The following ASZ1 variants were observed in gnomAD, a reference collection of about 807,000 sequenced individuals.
ASZ1 encodes ankyrin repeat, SAM and basic leucine zipper domain containing 1.
ASZ1 carries 67 observed loss-of-function variants against 61.8 expected under a neutral mutation model. The observed-to-expected ratio is 1.08, with a 90% confidence interval of 0.89 to 1.33. The LOEUF (loss-of-function observed/expected upper bound fraction) is 1.33. Among genes scored for constraint, ASZ1 ranks in the 40% most tolerant of loss-of-function variants. The probability of loss-of-function intolerance (pLI) is 0.00; values close to 1 mark genes in which losing one functional copy is unlikely to be tolerated. For synonymous variants in ASZ1, 193 were observed against 192.7 expected, an observed-to-expected ratio of 1.00 and a Z score of -0.01; for missense variants, 577 against 554.5, an observed-to-expected ratio of 1.04 and a Z score of -0.41.
chr7:117,379,838 T>C, intron 10 of ASZ1, 100 bp downstream of exon 10: 1 of 695,584 alleles, frequency 1.4e-6, no homozygotes, highest in South Asian at 2.4e-5. Context: ...GGGAAAATGA[T>C]GGTATCAAGT....
rs1272939739 is a variant in ASZ1, at chr7:117,363,395, A to G, written c.*201T>C. The G allele has an allele frequency of 5.3e-6, 2 of 375,568 alleles. No individual in the cohort carries two copies. The highest frequency in any genetic ancestry group is 9.2e-6 in the Non-Finnish European group (2 of 216,724). The allele number at this position is 375,568 out of a possible 1,614,324, so 23.3% of individuals were successfully genotyped here. ...TACTTATACTTTACTACCTAATCACAATTAACATAAACATAACAAATTGTA... is the reference window on the plus strand; with the variant it reads ...TACTTATACTTTACTACCTAATCACGATTAACATAAACATAACAAATTGTA... On this transcript the variant is annotated 3_prime_UTR_variant, in exon 13 of 13. Transcript: ENST00000284629.
chr7:117,368,509 G>GT, intron 11 of ASZ1, 103 bp downstream of exon 11: 3 of 1,488,992 alleles, frequency 2.0e-6, no homozygotes, highest in Non-Finnish European at 2.7e-6. Flanking sequence ...AACAAACGAT[G>GT]TAATTTCAGC....
At chr7:117,380,406 G>C (rs951466541) in intron 9 of ASZ1, among the ~76,000 whole-genome samples, 3 of 151,446 alleles carry the variant, frequency 2.0e-5, no homozygotes, top group Non-Finnish European at 4.4e-5. Flanking sequence ...ATGAGAATTA[G>C]GCCCTATCTT....
At chr7:117,412,640 G>A (rs1161884248) in intron 4 of ASZ1, among the ~76,000 whole-genome samples, 1 of 151,738 alleles carries the variant, frequency 6.6e-6, no homozygotes, top group African/African-American at 2.4e-5. Context: ...AATGTGTTCT[G>A]CCTTATCAAT....
At chr7:117,395,394 G>A (rs1041008285) in intron 4 of ASZ1, among the ~76,000 whole-genome samples, 1 of 152,002 alleles carries the variant, frequency 6.6e-6, no homozygotes, top group African/African-American at 2.4e-5. Context: ...ATTTCATCAA[G>A]TCAAAACAAT....
chr7:117,424,872 T>C (rs1334122370), intron 2 of ASZ1, among the ~76,000 whole-genome samples: 1 of 152,244 alleles, frequency 6.6e-6, no homozygotes, highest in Non-Finnish European at 1.5e-5. Context: ...CTTATAAGAA[T>C]AACAGGTAAT....
intron 12 of ASZ1, among the ~76,000 whole-genome samples, chr7:117,365,213 T>G (rs1032572299): frequency 1.3e-5 from 2 of 152,194 alleles, no homozygotes; most frequent in African/African-American, 4.8e-5. Context: ...CAAAGAACTG[T>G]ATTTGCCATT....
intron 4 of ASZ1, among the ~76,000 whole-genome samples, chr7:117,402,567 TATTTGTTTC>T (rs1240402898): frequency 6.6e-6 from 1 of 152,164 alleles, no homozygotes; most frequent in Non-Finnish European, 1.5e-5. Context: ...CCAGAATTTA[TATTTGTTTC>T]ATTATGACTT....
At chr7:117,391,470 T>C (rs1300222326) in intron 4 of ASZ1, among the ~76,000 whole-genome samples, 2 of 152,230 alleles carry the variant, frequency 1.3e-5, no homozygotes, top group African/African-American at 4.8e-5. Context: ...CCATCTTGAA[T>C]TGATTTCTGC....
intron 10 of ASZ1, among the ~76,000 whole-genome samples, chr7:117,378,324 C>A (rs1417604609): frequency 6.6e-6 from 1 of 151,852 alleles, no homozygotes; most frequent in Non-Finnish European, 1.5e-5. Flanking sequence ...TAGATAACTC[C>A]CAAAACTCAA....
At chr7:117,364,231 A>C (rs952225658) in intron 12 of ASZ1, among the ~76,000 whole-genome samples, 3 of 152,230 alleles carry the variant, frequency 2.0e-5, no homozygotes. Context: ...TTGCAGTAAC[A>C]AATGTCAACA....
intron 4 of ASZ1, among the ~76,000 whole-genome samples, chr7:117,386,246 A>C (rs898240804): frequency 6.6e-6 from 1 of 152,224 alleles, no homozygotes; most frequent in Non-Finnish European, 1.5e-5. Flanking sequence ...TGAAACAAAA[A>C]TGTAAATTTA....
At chr7:117,423,788 C>T (rs549269160) in intron 2 of ASZ1, among the ~76,000 whole-genome samples, 9 of 148,974 alleles carry the variant, frequency 6.0e-5, no homozygotes, top group South Asian at 2.1e-4. Flanking sequence ...CGTGAACACA[C>T]GAGGCAGAGC....
intron 6 of ASZ1, 146 bp from the exon 7 acceptor site, chr7:117,383,256 G>C: frequency 1.0e-6 from 1 of 965,728 alleles, no homozygotes; most frequent in Non-Finnish European, 1.4e-6. Flanking sequence ...TTACTACCCT[G>C]ATAACAACTT....
intron 4 of ASZ1, among the ~76,000 whole-genome samples, chr7:117,401,936 C>T (rs1055372410): frequency 6.6e-6 from 1 of 152,136 alleles, no homozygotes; most frequent in African/African-American, 2.4e-5. Context: ...CTGCCATTCA[C>T]TCCATCTCAG....
chr7:117,404,417 C>CTTTTT (rs57876175), intron 4 of ASZ1, among the ~76,000 whole-genome samples: 3 of 130,572 alleles, frequency 2.3e-5, no homozygotes, highest in African/African-American at 9.7e-5. Context: ...TGACTGTTTC[C>CTTTTT]TTTTTTTTTT....
chr7:117,420,328 C>A, intron 3 of ASZ1, 54 bp from the exon 4 acceptor site: 1 of 1,288,284 alleles, frequency 7.8e-7, no homozygotes, highest in Admixed American at 1.8e-5. Flanking sequence ...AGCATCTATT[C>A]GATGTCTTTA....
chr7:117,384,608 T>A, intron 6 of ASZ1, 118 bp downstream of exon 6: 1 of 1,201,028 alleles, frequency 8.3e-7, no homozygotes, highest in Non-Finnish European at 1.1e-6. Context: ...TTTAAACATT[T>A]AATAATTGCC....
At chr7:117,409,374 T>C (rs927994018) in intron 4 of ASZ1, among the ~76,000 whole-genome samples, 4 of 151,884 alleles carry the variant, frequency 2.6e-5, no homozygotes, top group Non-Finnish European at 5.9e-5. Flanking sequence ...GTTAAACATA[T>C]TAGCAAAAAA....
Sources: gnomAD v4.1 joint callset for allele counts (sites outside exome capture counted in the v4.1 genomes callset) on GRCh38, gnomAD v4.1.1 for gene constraint, MANE v1.5 for transcripts, NCBI Gene and HGNC (gene_info 2026-07-23, HGNC 2026-07-21) for gene names.